ADGRV1: variants seen among roughly 807,000 people sequenced by gnomAD.
ADGRV1 encodes the protein G-protein coupled receptor 98.
In ADGRV1, 359 loss-of-function variants were observed where a neutral mutation model predicts 596.2. That is an observed-to-expected ratio of 0.60 (90% CI 0.55 to 0.66). ADGRV1 has a LOEUF of 0.66. ADGRV1 is among the 30% of genes least tolerant of loss of function. ADGRV1 has a pLI of 0.00. For synonymous variants in ADGRV1, 2,681 were observed against 2,679.2 expected (o/e 1.00, Z -0.02); for missense variants, 7,274 against 7,575.6 (o/e 0.96, Z 1.48).
At chr5:90,851,132 TGTGAGAGA>T (rs1278645597) in intron 79 of ADGRV1, among the ~76,000 whole-genome samples, 1 of 71,898 alleles carries the variant, frequency 1.4e-5, no homozygotes, top group African/African-American at 3.9e-5. Flanking sequence ...TGTGTGTGTG[TGTGAGAGA>T]GAGAGAGAGA....
intron 77 of ADGRV1, among the ~76,000 whole-genome samples, chr5:90,835,171 T>G (rs961524547): frequency 6.6e-6 from 1 of 152,202 alleles, no homozygotes; most frequent in Non-Finnish European, 1.5e-5. Context: ...TACCCATCCT[T>G]CTTGGGAAGT....
At chr5:90,875,836 G>T (rs1351899586) in intron 83 of ADGRV1, among the ~76,000 whole-genome samples, 1 of 152,106 alleles carries the variant, frequency 6.6e-6, no homozygotes, top group Admixed American at 6.5e-5. Context: ...GAAATTTTGT[G>T]TTAAAATTTA....
At chr5:90,795,086 G>GTTTTGTT (rs1760530830) in intron 70 of ADGRV1, among the ~76,000 whole-genome samples, 1 of 120,450 alleles carries the variant, frequency 8.3e-6, no homozygotes, top group African/African-American at 3.0e-5. Flanking sequence ...AGCTGCAGAA[G>GTTTTGTT]TTTTTTTTTT....
At chr5:90,832,505 C>T (rs1401730513) in intron 77 of ADGRV1, among the ~76,000 whole-genome samples, 1 of 151,936 alleles carries the variant, frequency 6.6e-6, no homozygotes, top group African/African-American at 2.4e-5. Context: ...GTTATTAATC[C>T]CTTGTCAGAT....
chr5:90,831,137 C>T (rs1397370201), intron 77 of ADGRV1, among the ~76,000 whole-genome samples: 2 of 151,978 alleles, frequency 1.3e-5, no homozygotes, highest in African/African-American at 4.8e-5. Context: ...TGGTCTTCAG[C>T]CTGTGAAATC....
intron 52 of ADGRV1, among the ~76,000 whole-genome samples, chr5:90,746,929 G>A (rs923582055): frequency 1.3e-5 from 2 of 152,096 alleles, no homozygotes; most frequent in African/African-American, 4.8e-5. Flanking sequence ...TATTTTCATG[G>A]TCCTTAAATT....
chr5:91,150,902 G>C (rs1795995675), intron 88 of ADGRV1, among the ~76,000 whole-genome samples: 2 of 152,084 alleles, frequency 1.3e-5, no homozygotes, highest in Non-Finnish European at 2.9e-5. Flanking sequence ...CTAGCAGTGG[G>C]GCCACTGCTC....
chr5:91,034,514 T>A (rs1784717418), intron 85 of ADGRV1, among the ~76,000 whole-genome samples: 1 of 152,190 alleles, frequency 6.6e-6, no homozygotes, highest in Non-Finnish European at 1.5e-5. Flanking sequence ...TCCTTCCATA[T>A]AAATGTTTTG....
At chr5:90,582,334 C>G (rs139740251) in intron 1 of ADGRV1, among the ~76,000 whole-genome samples, 137 of 152,144 alleles carry the variant, frequency 9.0e-4, no homozygotes, top group African/African-American at 3.1e-3. Flanking sequence ...AAAGTCTTTT[C>G]TTAGGCCAAG....
chr5:90,826,352 G>C (rs1192084615), intron 76 of ADGRV1, among the ~76,000 whole-genome samples: 1 of 152,092 alleles, frequency 6.6e-6, no homozygotes, highest in Admixed American at 6.6e-5. Context: ...TTTTGTCAAA[G>C]GAAAGACATC....
chr5:91,008,141 T>A (rs904152819), intron 85 of ADGRV1, among the ~76,000 whole-genome samples: 14 of 152,212 alleles, frequency 9.2e-5, no homozygotes, highest in Non-Finnish European at 2.9e-5. Context: ...TAGGTCATAA[T>A]ATTTATAAAG....
chr5:90,668,518 C>G (rs1328996215), intron 21 of ADGRV1, among the ~76,000 whole-genome samples: 1 of 151,986 alleles, frequency 6.6e-6, no homozygotes. Flanking sequence ...TCTGGCACTC[C>G]CTAGTGAGAT....
At chr5:90,777,881 A>G in intron 61 of ADGRV1, 24 bp from the exon 62 acceptor site, 1 of 1,580,726 alleles carries the variant, frequency 6.3e-7, no homozygotes, top group Non-Finnish European at 8.6e-7. Flanking sequence ...AATGTATTGG[A>G]TATACATTTG....
At chr5:91,158,173 C>T (rs756320928) in intron 89 of ADGRV1, among the ~76,000 whole-genome samples, 1 of 152,170 alleles carries the variant, frequency 6.6e-6, no homozygotes, top group Non-Finnish European at 1.5e-5. Context: ...AATGAGCCAC[C>T]AATTTCTGCC....
At chr5:91,159,675 C>T (rs1349223701) in intron 89 of ADGRV1, among the ~76,000 whole-genome samples, 1 of 152,014 alleles carries the variant, frequency 6.6e-6, no homozygotes, top group African/African-American at 2.4e-5. Context: ...GAGTTCTAGA[C>T]TAGTGGTATC....
At chr5:91,092,573 T>C (rs1790481123) in intron 86 of ADGRV1, 1 of 152,224 alleles carries the variant, frequency 6.6e-6, no homozygotes, top group Non-Finnish European at 1.5e-5. Flanking sequence ...GATTCTGGTA[T>C]ATATATAAAA....
chr5:90,982,806 C>T (rs1185377505), intron 84 of ADGRV1, among the ~76,000 whole-genome samples: 1 of 152,128 alleles, frequency 6.6e-6, no homozygotes, highest in East Asian at 1.9e-4. Flanking sequence ...TCAGGGAGTA[C>T]ACAGAGCACA....
At chr5:90,606,845 T>A (rs2152034847) in intron 1 of ADGRV1, among the ~76,000 whole-genome samples, 1 of 152,354 alleles carries the variant, frequency 6.6e-6, no homozygotes, top group Non-Finnish European at 1.5e-5. Flanking sequence ...TGACTCTTGA[T>A]TGCTGATCCT....
chr5:91,075,348 C>T (rs1788759648), intron 86 of ADGRV1, among the ~76,000 whole-genome samples: 2 of 152,060 alleles, frequency 1.3e-5, no homozygotes, highest in African/African-American at 4.8e-5. Context: ...TGCATGTTTT[C>T]AATAATGCTA....
Sources: gnomAD v4.1 joint callset for allele counts (sites outside exome capture counted in the v4.1 genomes callset) on GRCh38, gnomAD v4.1.1 for gene constraint, MANE v1.5 for transcripts, NCBI Gene and HGNC (gene_info 2026-07-23, HGNC 2026-07-21) for gene names.